SRBD1: variants seen among roughly 807,000 people sequenced by gnomAD.
The protein encoded by SRBD1 is S1 RNA-binding domain-containing protein 1.
A neutral mutation model predicts 115.3 loss-of-function variants in SRBD1; 88 were observed. The observed-to-expected ratio is 0.76, with a 90% CI of 0.64 to 0.91. The LOEUF is 0.91. Ranked by LOEUF, SRBD1 falls within the 40% of genes least tolerant of loss-of-function variation. The probability of loss-of-function intolerance (pLI) is 0.00; values close to 1 mark genes in which losing one functional copy is unlikely to be tolerated. For missense variants in SRBD1, 1,385 were observed against 1,177.4 expected, an observed-to-expected ratio of 1.18 and a Z score of -2.58; for synonymous variants, 509 against 407.7, an observed-to-expected ratio of 1.25 and a Z score of -2.99.
intron 4 of SRBD1, among the ~76,000 whole-genome samples, chr2:45,594,947 T>G (rs1673847510): frequency 6.6e-6 from 1 of 152,252 alleles, no homozygotes. Context: ...CTGTTATTTT[T>G]CTATTTTTCT....
chr2:45,492,215 T>C (rs1670317485), intron 14 of SRBD1, among the ~76,000 whole-genome samples: 1 of 152,194 alleles, frequency 6.6e-6, no homozygotes, highest in Non-Finnish European at 1.5e-5. Flanking sequence ...GTATAAAAGA[T>C]ATACGTTTAA....
At chr2:45,530,460 A>C (rs1671576289) in intron 14 of SRBD1, among the ~76,000 whole-genome samples, 2 of 152,078 alleles carry the variant, frequency 1.3e-5, no homozygotes, top group Admixed American at 1.3e-4. Context: ...ATCAAAAGTC[A>C]ATCAAAGGAC....
At chr2:45,520,459 A>G (rs1450602605) in intron 14 of SRBD1, among the ~76,000 whole-genome samples, 1 of 152,214 alleles carries the variant, frequency 6.6e-6, no homozygotes, top group African/African-American at 2.4e-5. Context: ...GACAGGAGAC[A>G]GGGAAATACG....
intron 15 of SRBD1, among the ~76,000 whole-genome samples, chr2:45,479,020 T>A (rs926114213): frequency 1.3e-4 from 20 of 152,172 alleles, no homozygotes; most frequent in African/African-American, 4.3e-4. Flanking sequence ...TTATATTTGT[T>A]ATGATAATCT....
chr2:45,506,079 T>A (rs1429009069), intron 14 of SRBD1, among the ~76,000 whole-genome samples: 1 of 152,140 alleles, frequency 6.6e-6, no homozygotes, highest in Non-Finnish European at 1.5e-5. Context: ...TAAGGAATAT[T>A]CAAAGCAGGA....
At chr2:45,598,256 G>A (rs1673967208) in intron 4 of SRBD1, among the ~76,000 whole-genome samples, 1 of 152,134 alleles carries the variant, frequency 6.6e-6, no homozygotes. Context: ...AAGGTAAGAG[G>A]AAAAGCTGTA....
Position 45,514,881 on chromosome 2 carries a change from A to T in SRBD1, c.1875-26550T>A, listed in dbSNP as rs1389932339. On this transcript the variant is annotated intron_variant, in intron 14 of 20. Coordinates refer to ENST00000263736, the MANE Select transcript of SRBD1 (RefSeq NM_018079.5). The stretch of plus-strand genomic sequence containing the variant: ...AATTTAATGGCACTAACAATTTTCA[A>T]AGCATTTTCAAACAAAAACTCCAAG... Among the ~76,000 whole-genome samples, 3 of 152,320 alleles carry T rather than the reference A, an allele frequency of 2.0e-5. No homozygotes were observed. In the East Asian group the frequency reaches 5.8e-4, roughly 29 times the overall value.
intron 1 of SRBD1, among the ~76,000 whole-genome samples, chr2:45,607,609 T>G (rs956435467): frequency 2.6e-5 from 4 of 151,756 alleles, no homozygotes; most frequent in Non-Finnish European, 5.9e-5. Flanking sequence ...ACCAAACCAA[T>G]TTACCCTGCA....
intron 16 of SRBD1, among the ~76,000 whole-genome samples, chr2:45,424,245 C>A (rs1221198331): frequency 6.6e-6 from 1 of 152,114 alleles, no homozygotes; most frequent in Non-Finnish European, 1.5e-5. Flanking sequence ...TAGGCAGCTT[C>A]CAAGATGGTT....
chr2:45,579,894 GTAC>G lies in SRBD1; in HGVS notation c.1050_1052del (p.Tyr351del). On this transcript the variant is annotated inframe_deletion, in exon 7 of 21. Coordinates refer to ENST00000263736, the MANE Select transcript of SRBD1 (RefSeq NM_018079.5). The stretch of plus-strand genomic sequence containing the variant: ...CAGTACCTTTAACGTCAGGCCTAAT[GTAC>G]GATAGCAGACTGAGCTCCCCTGGTT... 6.2e-7 allele frequency: 1 copy of G among 1,601,094 alleles called. No individual in the cohort carries two copies. Among genetic ancestry groups the G allele is most frequent in the Non-Finnish European group, 8.5e-7 (1 of 1,175,524 alleles).
rs571815763 is a variant in SRBD1, at chr2:45,526,425, T to C, written c.1874+20307A>G. On this transcript the variant is annotated intron_variant, in intron 14 of 20. Transcript: ENST00000263736. ...ATCTATCTATAGAGACAAAGTAGAT[T>C]AGTGGTTGCTTAGGGCTGGAGTAGG... 1.6e-3 allele frequency among the ~76,000 whole-genome samples: 249 copies of C among 152,024 alleles called. 1 individual carries two copies. Among genetic ancestry groups the C allele is most frequent in the African/African-American group, 5.9e-3 (243 of 41,512 alleles).
At chr2:45,578,823 T>C (rs888769482) in intron 7 of SRBD1, among the ~76,000 whole-genome samples, 24 of 152,166 alleles carry the variant, frequency 1.6e-4, no homozygotes, top group African/African-American at 5.6e-4. Flanking sequence ...ATACTGTGAA[T>C]TTGCTAAGAC....
chr2:45,475,126 G>A (rs1669767822), intron 16 of SRBD1, among the ~76,000 whole-genome samples: 1 of 152,038 alleles, frequency 6.6e-6, no homozygotes, highest in African/African-American at 2.4e-5. Flanking sequence ...GTCTAAAACT[G>A]AATTACTGAT....
intron 14 of SRBD1, among the ~76,000 whole-genome samples, chr2:45,518,249 G>A (rs1671178901): frequency 6.6e-6 from 1 of 152,074 alleles, no homozygotes; most frequent in African/African-American, 2.4e-5. Flanking sequence ...CATAAAACTA[G>A]CAAAATATCC....
rs577420630 is a variant in SRBD1, at chr2:45,580,132, C to G, written c.934-119G>C. On this transcript the variant is annotated intron_variant, in intron 6 of 20. Transcript: ENST00000263736. The stretch of plus-strand genomic sequence containing the variant: ...AAGAAATCCTTTTCTCAATCTTTTC[C>G]TCTTCCTTCAGAGATGAATTAAAAC... 59 of 843,074 alleles carry G rather than the reference C, an allele frequency of 7.0e-5. No homozygotes were observed. In the African/African-American group the frequency reaches 9.8e-4, roughly 14 times the overall value. 52.2% of individuals were successfully genotyped at this position (843,074 alleles called of 1,614,324 possible). A position where few individuals can be genotyped will look rare whatever the true frequency, so the allele number is the denominator to read the frequency against.
At chr2:45,444,989 T>G (rs531189168) in intron 16 of SRBD1, among the ~76,000 whole-genome samples, 1 of 152,168 alleles carries the variant, frequency 6.6e-6, no homozygotes, top group Non-Finnish European at 1.5e-5. Context: ...CATTGTCAAA[T>G]TTGCTCTCCA....
intron 14 of SRBD1, among the ~76,000 whole-genome samples, chr2:45,506,954 T>C (rs1310168393): frequency 6.6e-6 from 1 of 152,216 alleles, no homozygotes; most frequent in East Asian, 1.9e-4. Flanking sequence ...ACTTAATTGA[T>C]TCCAGACTTC....
intron 16 of SRBD1, among the ~76,000 whole-genome samples, chr2:45,435,281 C>T (rs1219197234): frequency 6.6e-6 from 1 of 152,008 alleles, no homozygotes; most frequent in African/African-American, 2.4e-5. Context: ...AGGGAAACTA[C>T]ATAGAATAAG....
chr2:45,486,205 T>G (rs1007329994), intron 15 of SRBD1, among the ~76,000 whole-genome samples: 2 of 152,204 alleles, frequency 1.3e-5, no homozygotes, highest in Admixed American at 6.5e-5. Flanking sequence ...GAAACAGCAG[T>G]ATCTTCAGCA....
Sources: gnomAD v4.1 joint callset for allele counts (sites outside exome capture counted in the v4.1 genomes callset) on GRCh38, gnomAD v4.1.1 for gene constraint, MANE v1.5 for transcripts, NCBI Gene and HGNC (gene_info 2026-07-23, HGNC 2026-07-21) for gene names.